Variants in MAST4 observed in about 807,000 individuals in gnomAD.
The protein encoded by MAST4 is microtubule-associated serine/threonine-protein kinase 4.
MAST4 carries 89 observed loss-of-function variants against 162.7 expected under a neutral mutation model. The ratio of observed to expected loss-of-function variants is 0.55; its 90% CI spans 0.46 to 0.65. The LOEUF (loss-of-function observed/expected upper bound fraction) is 0.65, where lower values mean the gene tolerates loss of function less well. Among genes scored for constraint, MAST4 ranks in the 30% least tolerant of loss-of-function variants. The pLI, the probability that MAST4 is intolerant of heterozygous loss-of-function variation, is 0.00. For synonymous variants in MAST4, 1,479 were observed against 1,361.1 expected, an observed-to-expected ratio of 1.09 and a Z score of -1.91; for missense variants, 3,153 against 3,374.0, an observed-to-expected ratio of 0.93 and a Z score of 1.62.
intron 8 of MAST4, among the ~76,000 whole-genome samples, chr5:67,101,426 A>C (rs949306599): frequency 6.6e-6 from 1 of 152,166 alleles, no homozygotes; most frequent in South Asian, 2.1e-4. Flanking sequence ...AGCTGATGCC[A>C]TCCCTGCAGG....
chr5:66,752,872 CTATT>C (rs1275632131), intron 1 of MAST4, among the ~76,000 whole-genome samples: 18 of 152,098 alleles, frequency 1.2e-4, no homozygotes, highest in Non-Finnish European at 1.9e-4. Flanking sequence ...ACACCCACAC[CTATT>C]CCAAAATTGA....
Position 67,164,670 on chromosome 5 carries a change from C to T in MAST4, c.5491C>T (p.Pro1831Ser). ...CCCAGAGTCTGCACAGAGCCCCAGC[C>T]CAAGTGGTGACGTGAGGGCCTCTGT... Reference protein sequence around the residue: ...PSPESAQSPSPSGDVRASVPP... With the variant: ...PSPESAQSPSSSGDVRASVPP... Residue 1831 changes from proline (P) to serine (S), a missense_variant, in exon 29 of 29, where the codon CCA becomes TCA. Physicochemically the swap from Pro to Ser is moderately conservative, Grantham distance 74. Transcript: ENST00000403625. This position sits in a 1 kb window ranked among gnomAD's most constrained non-coding sequence, Gnocchi z 5.3. The T allele has an allele frequency of 6.2e-7, 1 of 1,614,012 alleles. No homozygotes were observed. The highest frequency in any genetic ancestry group is 1.3e-5 in the African/African-American group (1 of 75,050).
intron 27 of MAST4, 108 bp from the exon 28 acceptor site, chr5:67,162,499 G>T: frequency 2.6e-5 from 24 of 937,476 alleles, no homozygotes; most frequent in Admixed American, 2.3e-5. Flanking sequence ...ATCTGCTGTT[G>T]TATCCCTGTC....
intron 3 of MAST4, among the ~76,000 whole-genome samples, chr5:66,862,332 C>T (rs982088127): frequency 6.6e-6 from 1 of 152,048 alleles, no homozygotes; most frequent in Admixed American, 6.6e-5. Flanking sequence ...AAAATGTGTG[C>T]CATGTGATAT....
intron 3 of MAST4, among the ~76,000 whole-genome samples, chr5:66,860,750 C>T (rs1317636015): frequency 7.3e-6 from 1 of 137,058 alleles, no homozygotes; most frequent in Non-Finnish European, 1.5e-5. Context: ...TTCCCAGCCG[C>T]GAACTTAAAA....
Position 67,136,571 on chromosome 5 carries a change from A to G in MAST4, c.2401A>G (p.Asn801Asp). The change falls in exon 19 of 29, where the codon AAC becomes GAC. Residue 801 changes from asparagine (N) to aspartate (D), a missense_variant. Transcript: ENST00000403625. ...LFGQVISDEI[N>D]WPEKDEAPPP... ...ACTTTTCTTCCTTCTAGATGAGATC[A>G]ACTGGCCTGAGAAGGATGAGGCACC... 1 of 1,602,468 alleles carries G rather than the reference A, an allele frequency of 6.2e-7. No individual in the cohort carries two copies. The highest frequency in any genetic ancestry group is 8.5e-7 in the Non-Finnish European group (1 of 1,174,112).
chr5:66,892,916 A>G (rs1356079736), intron 3 of MAST4, among the ~76,000 whole-genome samples: 1 of 152,224 alleles, frequency 6.6e-6, no homozygotes, highest in Non-Finnish European at 1.5e-5. Context: ...TGAAGCTTAT[A>G]GACGCAGTTT....
At chr5:66,969,733 T>G (rs1488307747) in intron 4 of MAST4, among the ~76,000 whole-genome samples, 5 of 152,242 alleles carry the variant, frequency 3.3e-5, no homozygotes, top group Admixed American at 2.0e-4. Flanking sequence ...GTTGTGATTT[T>G]GTGTCTCCTT....
chr5:66,957,599 T>A (rs1293579278), intron 4 of MAST4, among the ~76,000 whole-genome samples: 1 of 151,216 alleles, frequency 6.6e-6, no homozygotes, highest in Admixed American at 6.5e-5. Flanking sequence ...ATTGGTTGGT[T>A]CTGTGAGCTC....
chr5:67,012,230 G>A (rs565874707), intron 4 of MAST4, among the ~76,000 whole-genome samples: 2 of 152,334 alleles, frequency 1.3e-5, no homozygotes, highest in Admixed American at 1.3e-4. Flanking sequence ...AGATTGACAG[G>A]TGTTGGGGTC....
intron 28 of MAST4, 118 bp downstream of exon 28, chr5:67,162,906 A>G (rs1773369119): frequency 8.6e-7 from 1 of 1,160,014 alleles, no homozygotes. Context: ...TGTAAATTAT[A>G]AAGACAGATT....
At chr5:66,610,793 C>T (rs908389455) in intron 1 of MAST4, among the ~76,000 whole-genome samples, 5 of 152,232 alleles carry the variant, frequency 3.3e-5, no homozygotes, top group African/African-American at 9.6e-5. Context: ...CACATTCAGC[C>T]TTCACTCCCA....
intron 3 of MAST4, among the ~76,000 whole-genome samples, chr5:66,837,892 ATATTTT>A (rs1214369930): frequency 0.084 from 2,830 of 33,496 alleles, 16 homozygotes; most frequent in Non-Finnish European, 0.11. Flanking sequence ...ATATATATAT[ATATTTT>A]TTTTTTTTTT....
chr5:67,027,379 AT>A (rs1399703299), intron 4 of MAST4, among the ~76,000 whole-genome samples: 1 of 152,210 alleles, frequency 6.6e-6, no homozygotes, highest in Admixed American at 6.5e-5. Context: ...ATATCTCTGT[AT>A]GCACTCACAG....
At chr5:67,138,722 T>C (rs1769992120) in intron 19 of MAST4, among the ~76,000 whole-genome samples, 3 of 152,156 alleles carry the variant, frequency 2.0e-5, no homozygotes, top group African/African-American at 4.8e-5. Flanking sequence ...ACATGAGCCA[T>C]TGTGCCTGGC....
intron 3 of MAST4, among the ~76,000 whole-genome samples, chr5:66,875,761 T>A (rs1761256445): frequency 6.6e-6 from 1 of 152,186 alleles, no homozygotes; most frequent in South Asian, 2.1e-4. Context: ...GTATTTTTTT[T>A]ATTAAAAAAT....
In MAST4 at chr5:67,090,163, A is replaced by G; in HGVS notation, c.765A>G (p.Gly255=). 6.2e-7 allele frequency: 1 copy of G among 1,606,834 alleles called. No individual in the cohort carries two copies. Among genetic ancestry groups the G allele is most frequent in the Admixed American group, 1.7e-5 (1 of 59,962 alleles). ...RPHSPLSAHA[G]NSPQDSPRNF... ...TTTCTCTCTTTTCTCTTTCTCTAGG[A>G]AATAGCCCTCAAGATAGTCCAAGAA... is the stretch of plus-strand genomic sequence containing the variant. Residue 255 remains glycine, a splice_region_variant and synonymous_variant, in exon 6 of 29, where the codon GGA becomes GGG. Coordinates refer to ENST00000403625, the MANE Select transcript of MAST4 (RefSeq NM_001164664.2).
At position 67,002,227 on chromosome 5, in the gene MAST4, G is replaced by C. The variant is rs568957641; in HGVS notation, c.675-52177G>C. Among the ~76,000 whole-genome samples, 3 of 152,236 alleles carry C rather than the reference G, an allele frequency of 2.0e-5. No individual in the cohort carries two copies. In the East Asian group the frequency reaches 5.8e-4, roughly 29 times the overall value. On this transcript the variant is annotated intron_variant, in intron 4 of 28. Transcript: ENST00000403625. ...GATATAGATACAAATAAGTCACTAA[G>C]AGAAAGTCTTCAGAATTTACCGTCT...
At chr5:67,018,248 C>T (rs189660672) in intron 4 of MAST4, among the ~76,000 whole-genome samples, 9 of 152,218 alleles carry the variant, frequency 5.9e-5, no homozygotes, top group Admixed American at 2.0e-4. Context: ...TGTAATAGCT[C>T]GTTTGGACAG....
Sources: allele counts gnomAD v4.1 joint callset (sites outside exome capture counted in the v4.1 genomes callset), GRCh38; gene constraint gnomAD v4.1.1; non-coding constraint Gnocchi (gnomAD v3.1); transcripts MANE v1.5; gene names NCBI Gene and HGNC (gene_info 2026-07-23, HGNC 2026-07-21).